The following SLC28A2 variants were observed in gnomAD, a reference collection of about 807,000 sequenced individuals.
SLC28A2 encodes the protein sodium/nucleoside cotransporter 2.
Under a neutral mutation model 72.9 loss-of-function variants are expected in SLC28A2, and 69 were observed. The ratio of observed to expected loss-of-function variants is 0.95; its 90% CI spans 0.78 to 1.16. The LOEUF is 1.16. Among genes scored for constraint, SLC28A2 ranks in the 50% most tolerant of loss-of-function variants. SLC28A2 has a pLI of 0.00. For missense variants in SLC28A2, 745 were observed against 791.1 expected, an observed-to-expected ratio of 0.94 and a Z score of 0.70; for synonymous variants, 296 against 294.1, an observed-to-expected ratio of 1.01 and a Z score of -0.07.
At chr15:45,256,467 T>G (rs1811999925) in intron 3 of SLC28A2, among the ~76,000 whole-genome samples, 1 of 152,020 alleles carries the variant, frequency 6.6e-6, no homozygotes. Context: ...CAGGCTGGAG[T>G]GCAGTGGTGT....
intron 15 of SLC28A2, among the ~76,000 whole-genome samples, chr15:45,270,656 C>T (rs968470466): frequency 6.6e-6 from 1 of 151,782 alleles, no homozygotes; most frequent in Non-Finnish European, 1.5e-5. Flanking sequence ...GAAACAGAGT[C>T]TCACTCTGTT....
rs188603400 is a variant in SLC28A2 at position 45,262,882 on chromosome 15, G to C, written c.263-179G>C. Among the ~76,000 whole-genome samples the C allele has an allele frequency of 3.3e-5, 5 of 152,300 alleles. No homozygotes were observed. The East Asian group carries it at 7.7e-4, about 23-fold the overall frequency. The stretch of plus-strand genomic sequence containing the variant: ...CTGTCCTTGGGGATCCTCAAGAAGA[G>C]GACAGTTAGACATCTATCCTGGCCT... On this transcript the variant is annotated intron_variant, in intron 4 of 17. Transcript: ENST00000347644.
In SLC28A2 at chr15:45,267,701, G is replaced by A. The variant is rs1206462790; in HGVS notation, c.1104G>A (p.Met368Ile). 3 of 1,614,118 alleles carry A rather than the reference G, an allele frequency of 1.9e-6. No homozygotes were observed. Among genetic ancestry groups the A allele is most frequent in the Non-Finnish European group, 8.5e-7 (1 of 1,180,010 alleles). ...CATCCCTGATTTCTGCCTCTGTGAT[G>A]GCCGCCCCTTGTGCTCTCGCCTCAT... ...DASSLISASVMAAPCALASSK... is the reference protein window; with the variant it reads ...DASSLISASVIAAPCALASSK... The change falls in exon 12 of 18, where the codon ATG becomes ATA. Residue 368 changes from methionine to isoleucine, a missense_variant. Coordinates refer to ENST00000347644, the MANE Select transcript of SLC28A2 (RefSeq NM_004212.4).
chr15:45,262,008 T>TTA lies in SLC28A2; in HGVS notation c.171-5_171-4dup. On this transcript the variant is annotated splice_region_variant and splice_polypyrimidine_tract_variant and intron_variant, in intron 3 of 17. Transcript: ENST00000347644. ...TTCTTGTATCTTAACTTTTGGGTTC[T>TTA]TATTAGGAGGAGTCGGTGGCCTTTC... 1 of 1,600,072 alleles carries TTA rather than the reference T, an allele frequency of 6.2e-7. No homozygotes were observed. The highest frequency in any genetic ancestry group is 8.6e-7 in the Non-Finnish European group (1 of 1,167,284).
At chr15:45,267,862 C>T in intron 12 of SLC28A2, 66 bp downstream of exon 12, 1 of 1,570,590 alleles carries the variant, frequency 6.4e-7, no homozygotes, top group Non-Finnish European at 8.8e-7. Flanking sequence ...ACTGTGGTGG[C>T]AGAGACTTCA....
chr15:45,266,148 T>A lies in SLC28A2; in HGVS notation c.929T>A (p.Ile310Asn). 6.2e-7 allele frequency: 1 copy of A among 1,613,098 alleles called. No individual in the cohort carries two copies. Among genetic ancestry groups the A allele is most frequent in the Non-Finnish European group, 8.5e-7 (1 of 1,179,076 alleles). The change falls in exon 10 of 18, where the codon ATC becomes AAC. Residue 310 changes from isoleucine to asparagine, a missense_variant. By Grantham distance (149) the Ile-to-Asn change is moderately radical. Transcript: ENST00000347644. ...GAGACCCTGGCTGTGGCAGGAAACA[T>A]CTTTGTGGGTATGGTAAGCACCTTG... is the stretch of plus-strand genomic sequence containing the variant. Reference protein sequence around the residue: ...ATETLAVAGNIFVGMTEAPLL... With the variant: ...ATETLAVAGNNFVGMTEAPLL...
intron 12 of SLC28A2, 101 bp downstream of exon 12, chr15:45,267,897 G>C: frequency 7.4e-7 from 1 of 1,358,776 alleles, no homozygotes; most frequent in East Asian, 2.3e-5. Flanking sequence ...GGAATAATGT[G>C]ATTCCATATT....
intron 3 of SLC28A2, chr15:45,253,836 T>A (rs977355027): frequency 1.1e-5 from 2 of 179,498 alleles, no homozygotes; most frequent in African/African-American, 2.4e-5. Flanking sequence ...AGGTAGGTAT[T>A]CATTTTAATC....
At chr15:45,266,406 C>T (rs1900338114) in intron 10 of SLC28A2, among the ~76,000 whole-genome samples, 1 of 152,134 alleles carries the variant, frequency 6.6e-6, no homozygotes, top group Non-Finnish European at 1.5e-5. Context: ...CTAATGAACA[C>T]TTCCTACGTA....
chr15:45,273,382 G>A lies in SLC28A2; in HGVS notation c.1859+598G>A, dbSNP rs549658073. On this transcript the variant is annotated intron_variant, in intron 17 of 17. Transcript: ENST00000347644. ...ACCAAAATCTAGAATATGAAAAGAA[G>A]AGGATATGTCATTAAGCTAAAAGAA... 8.5e-5 allele frequency among the ~76,000 whole-genome samples: 13 copies of A among 152,204 alleles called. No individual in the cohort carries two copies. In the South Asian group the frequency reaches 2.7e-3, roughly 32 times the overall value.
At chr15:45,257,915 GT>G (rs1230158036) in intron 3 of SLC28A2, among the ~76,000 whole-genome samples, 1 of 152,166 alleles carries the variant, frequency 6.6e-6, no homozygotes, top group Non-Finnish European at 1.5e-5. Context: ...ATTTGCATTA[GT>G]TTTTCCTTTA....
At chr15:45,260,546 C>G (rs2140565004) in intron 3 of SLC28A2, among the ~76,000 whole-genome samples, 1 of 152,194 alleles carries the variant, frequency 6.6e-6, no homozygotes, top group African/African-American at 2.4e-5. Context: ...CACTTGAGCC[C>G]AGGAGTTTGA....
At position 45,267,813 on chromosome 15, in the gene SLC28A2, A is replaced by C; in HGVS notation, c.1199+17A>C. ...GCCCCGTGGGTGAGTCCAAGGAGGC[A>C]TATACTTTGGGAGATGGTGAGCTGT... On this transcript the variant is annotated intron_variant, in intron 12 of 17. Coordinates refer to ENST00000347644, the MANE Select transcript of SLC28A2 (RefSeq NM_004212.4). The C allele has an allele frequency of 6.2e-7, 1 of 1,613,634 alleles. No homozygotes were observed. The highest frequency in any genetic ancestry group is 8.5e-7 in the Non-Finnish European group (1 of 1,179,820).
intron 13 of SLC28A2, among the ~76,000 whole-genome samples, chr15:45,268,905 A>T (rs1036045637): frequency 1.3e-5 from 2 of 151,662 alleles, no homozygotes; most frequent in African/African-American, 4.8e-5. Flanking sequence ...TTCTCAGTAA[A>T]CTATTGCAAG....
At chr15:45,268,032 T>A (rs1001389536) in intron 12 of SLC28A2, among the ~76,000 whole-genome samples, 178 bp from the exon 13 acceptor site, 8 of 152,158 alleles carry the variant, frequency 5.3e-5, no homozygotes, top group African/African-American at 1.9e-4. Flanking sequence ...ACATGACAAT[T>A]ATATCTGATA....
intron 17 of SLC28A2, among the ~76,000 whole-genome samples, 158 bp downstream of exon 17, chr15:45,272,942 T>A (rs2140584331): frequency 6.6e-6 from 1 of 152,176 alleles, no homozygotes; most frequent in East Asian, 1.9e-4. Context: ...ATTATTAGCT[T>A]AGTATGCTCC....
intron 12 of SLC28A2, 95 bp downstream of exon 12, chr15:45,267,891 T>A: frequency 7.1e-7 from 1 of 1,406,028 alleles, no homozygotes; most frequent in South Asian, 1.2e-5. Flanking sequence ...TGAGGGGGAA[T>A]AATGTGATTC....
At chr15:45,260,778 AAAAGC>A (rs903547186) in intron 3 of SLC28A2, among the ~76,000 whole-genome samples, 163 of 152,322 alleles carry the variant, frequency 1.1e-3, no homozygotes, top group Admixed American at 2.0e-3. Context: ...TAAAGAGAAG[AAAAGC>A]AAAGCAAAGC....
Position 45,272,820 on chromosome 15 carries a change from C to G in SLC28A2, c.1859+36C>G, listed in dbSNP as rs112144671. On this transcript the variant is annotated intron_variant, in intron 17 of 17. Transcript: ENST00000347644. ...GGACCCCATTCCTTTCTCTCACACACGGCCCTCAGGTCTCCACGGTAATGC... is the reference window on the plus strand; with the variant it reads ...GGACCCCATTCCTTTCTCTCACACAGGGCCCTCAGGTCTCCACGGTAATGC... 3 of 1,119,048 alleles carry G rather than the reference C, an allele frequency of 2.7e-6. No homozygotes were observed. In the East Asian group the frequency reaches 7.0e-5, roughly 26 times the overall value. 69.3% of individuals were successfully genotyped at this position (1,119,048 alleles called of 1,614,324 possible). A position where few individuals can be genotyped will look rare whatever the true frequency, so the allele number is the denominator to read the frequency against.
Sources: gnomAD v4.1 joint callset for allele counts (sites outside exome capture counted in the v4.1 genomes callset) on GRCh38, gnomAD v4.1.1 for gene constraint, MANE v1.5 for transcripts, NCBI Gene and HGNC (gene_info 2026-07-23, HGNC 2026-07-21) for gene names.